ZNF90: variants seen among roughly 807,000 people sequenced by gnomAD.
The protein encoded by ZNF90 is zinc finger protein HTF9.
In ZNF90, 11 loss-of-function variants were observed where a neutral mutation model predicts 12.0. That is an observed-to-expected ratio of 0.92 (90% CI 0.58 to 1.52). The LOEUF (loss-of-function observed/expected upper bound fraction) is 1.52, where lower values mean the gene tolerates loss of function less well. Among genes scored for constraint, ZNF90 ranks in the 40% most tolerant of loss-of-function variants. ZNF90 has a pLI of 0.00. For missense variants in ZNF90, 765 were observed against 711.5 expected (o/e 1.08, Z -0.86); for synonymous variants, 232 against 240.1 (o/e 0.97, Z 0.31).
chr19:20,088,780 C>G (rs1353920276), intron 1 of ZNF90, among the ~76,000 whole-genome samples: 3 of 152,214 alleles, frequency 2.0e-5, no homozygotes, highest in African/African-American at 7.2e-5. Context: ...AGTCATTACA[C>G]AGGCTACAGA....
intron 2 of ZNF90, among the ~76,000 whole-genome samples, chr19:20,104,880 G>T (rs1297966039): frequency 6.6e-6 from 1 of 152,126 alleles, no homozygotes; most frequent in Non-Finnish European, 1.5e-5. Flanking sequence ...TGTAATCCCA[G>T]CTACTCTGAA....
Position 20,089,142 on chromosome 19 carries a change from C to T in ZNF90, c.3+11007C>T, listed in dbSNP as rs375252465. The stretch of plus-strand genomic sequence containing the variant: ...CAGACTCCTAGGGATCCAGCTAGGG[C>T]GGCAGCTGTCAGAGGTTGTAATGGG... On this transcript the variant is annotated intron_variant, in intron 1 of 3. Coordinates refer to ENST00000418063, the MANE Select transcript of ZNF90 (RefSeq NM_007138.2). 4.6e-4 allele frequency among the ~76,000 whole-genome samples: 70 copies of T among 152,214 alleles called. No individual in the cohort carries two copies. The South Asian group carries it at 0.013, about 28-fold the overall frequency.
intron 1 of ZNF90, among the ~76,000 whole-genome samples, chr19:20,084,068 C>CT (rs782242638): frequency 2.4e-4 from 2 of 8,280 alleles, no homozygotes; most frequent in South Asian, 9.8e-3. Flanking sequence ...ACCATATTTT[C>CT]TTTTTTTTTT....
At chr19:20,083,688 AATC>A (rs1278631777) in intron 1 of ZNF90, among the ~76,000 whole-genome samples, 4 of 152,174 alleles carry the variant, frequency 2.6e-5, no homozygotes, top group Non-Finnish European at 5.9e-5. Flanking sequence ...CAAAGGACAT[AATC>A]ATTTCTTTTA....
intron 3 of ZNF90, 39 bp downstream of exon 3, chr19:20,105,355 A>G (rs781872041): frequency 7.8e-6 from 12 of 1,529,496 alleles, no homozygotes; most frequent in Admixed American, 3.7e-5. Context: ...GACAACACAG[A>G]TAAGAGGTCC....
chr19:20,115,414 TC>T (rs2089128540), intron 3 of ZNF90, among the ~76,000 whole-genome samples: 1 of 134,432 alleles, frequency 7.4e-6, no homozygotes, highest in Non-Finnish European at 1.5e-5. Flanking sequence ...CATTTTCCTT[TC>T]TGTTTTTTTT....
rs540900927 is a variant in ZNF90, at chr19:20,092,682, G to A, written c.4-11557G>A. On this transcript the variant is annotated intron_variant, in intron 1 of 3. Coordinates refer to ENST00000418063, the MANE Select transcript of ZNF90 (RefSeq NM_007138.2). Reference sequence around the variant, plus strand: ...GAAAGGAGTTGTTGTTTTGTAGAAGGGATTGGGGTTTGAGAGATTAGTCGG... The same window carrying A: ...GAAAGGAGTTGTTGTTTTGTAGAAGAGATTGGGGTTTGAGAGATTAGTCGG... Among the ~76,000 whole-genome samples, 32 of 152,320 alleles carry A rather than the reference G, an allele frequency of 2.1e-4. No homozygotes were observed. In the South Asian group the frequency reaches 6.6e-3, roughly 32 times the overall value.
At chr19:20,101,222 C>G (rs782412412) in intron 1 of ZNF90, among the ~76,000 whole-genome samples, 2 of 152,150 alleles carry the variant, frequency 1.3e-5, no homozygotes, top group Admixed American at 6.5e-5. Flanking sequence ...GCTAAGTGCT[C>G]GGGTTCATCC....
chr19:20,108,292 C>T (rs2089056801), intron 3 of ZNF90, among the ~76,000 whole-genome samples: 1 of 152,108 alleles, frequency 6.6e-6, no homozygotes, highest in African/African-American at 2.4e-5. Flanking sequence ...TTAAATATTG[C>T]AGTTACTTAG....
chr19:20,094,472 GTTTC>G (rs1327418181), intron 1 of ZNF90, among the ~76,000 whole-genome samples: 1 of 152,310 alleles, frequency 6.6e-6, no homozygotes, highest in South Asian at 2.1e-4. Flanking sequence ...ACCTTGGGTA[GTTTC>G]TTTAAGTTTG....
chr19:20,081,980 G>A (rs1190345176), intron 1 of ZNF90, among the ~76,000 whole-genome samples: 2 of 151,754 alleles, frequency 1.3e-5, no homozygotes, highest in Non-Finnish European at 2.9e-5. Flanking sequence ...TAGCCAGGAG[G>A]GTCTCGATCT....
At chr19:20,094,331 T>C (rs941705439) in intron 1 of ZNF90, among the ~76,000 whole-genome samples, 2 of 152,204 alleles carry the variant, frequency 1.3e-5, no homozygotes, top group Non-Finnish European at 2.9e-5. Flanking sequence ...TTTTGTAATG[T>C]CAGGAGCTGA....
chr19:20,117,741 T>C, intron 3 of ZNF90, 40 bp from the exon 4 acceptor site: 1 of 1,452,968 alleles, frequency 6.9e-7, no homozygotes, highest in African/African-American at 1.4e-5. Flanking sequence ...TTTATCAGAA[T>C]CTAGCAATTG....
intron 1 of ZNF90, among the ~76,000 whole-genome samples, chr19:20,097,899 A>C (rs1233818611): frequency 1.3e-5 from 2 of 152,216 alleles, no homozygotes; most frequent in Admixed American, 1.3e-4. Context: ...ATCAATAATC[A>C]ATGTTATTTC....
intron 1 of ZNF90, among the ~76,000 whole-genome samples, chr19:20,090,606 G>A (rs868979894): frequency 7.2e-5 from 11 of 152,162 alleles, no homozygotes; most frequent in African/African-American, 1.7e-4. Flanking sequence ...ACAACTGATC[G>A]TCCAGCTAGG....
chr19:20,093,446 A>G (rs933370602), intron 1 of ZNF90, among the ~76,000 whole-genome samples: 1 of 151,970 alleles, frequency 6.6e-6, no homozygotes, highest in Admixed American at 6.6e-5. Context: ...AGGAGTAGAG[A>G]TGTCCCATAC....
intron 1 of ZNF90, among the ~76,000 whole-genome samples, chr19:20,093,148 C>G (rs2088915768): frequency 6.6e-6 from 1 of 152,088 alleles, no homozygotes; most frequent in South Asian, 2.1e-4. Flanking sequence ...GTATTGAGGA[C>G]AAAAGAGTGT....
At chr19:20,116,369 C>T (rs1260101131) in intron 3 of ZNF90, among the ~76,000 whole-genome samples, 3 of 152,148 alleles carry the variant, frequency 2.0e-5, no homozygotes, top group Non-Finnish European at 2.9e-5. Context: ...AGGGTTTCAC[C>T]ATGTTCTCTA....
chr19:20,112,510 C>T (rs533963066), intron 3 of ZNF90, among the ~76,000 whole-genome samples: 11 of 151,724 alleles, frequency 7.3e-5, no homozygotes, highest in East Asian at 3.9e-4. Context: ...TTAGTAGAGA[C>T]GGGGTTTCAC....
Sources: allele counts gnomAD v4.1 joint callset (sites outside exome capture counted in the v4.1 genomes callset), GRCh38; gene constraint gnomAD v4.1.1; transcripts MANE v1.5; gene names NCBI Gene and HGNC (gene_info 2026-07-23, HGNC 2026-07-21).